Variants in SYDE1 observed in about 807,000 individuals in gnomAD.
SYDE1 encodes the protein rho GTPase-activating protein SYDE1.
Under a neutral mutation model 63.3 loss-of-function variants are expected in SYDE1, and 34 were observed. The observed-to-expected ratio is 0.54, with a 90% CI of 0.41 to 0.71. The LOEUF is 0.71. Ranked by LOEUF, SYDE1 falls within the 30% of genes least tolerant of loss-of-function variation. The pLI, the probability that SYDE1 is intolerant of heterozygous loss-of-function variation, is 0.00. For synonymous variants in SYDE1, 467 were observed against 473.4 expected (o/e 0.99, Z 0.18); for missense variants, 925 against 1,042.5 (o/e 0.89, Z 1.55).
At position 15,109,703 on chromosome 19, in the gene SYDE1, G is replaced by T; in HGVS notation, c.431-1G>T. The stretch of plus-strand genomic sequence containing the variant: ...GACCCTGAAGTCTGCTCTCCACACA[G>T]GTGCAGCCCCCGCCAGCCCCCCAAC... On this transcript the variant is annotated splice_acceptor_variant, in intron 2 of 7. Transcript: ENST00000342784. LOFTEE classifies it high-confidence loss of function. The surrounding 1 kb of genome is among the most constrained non-coding windows in gnomAD (Gnocchi z 5.0). 1 of 1,494,360 alleles carries T rather than the reference G, an allele frequency of 6.7e-7. No homozygotes were observed. 92.6% of individuals were successfully genotyped at this position (1,494,360 alleles called of 1,614,324 possible).
At position 15,111,842 on chromosome 19, in the gene SYDE1, A is replaced by G; in HGVS notation, c.1578+50A>G. ...TGGGACTTGAGAGTGGGCTGATACC[A>G]ATAGAATGTTTCACCCATGCCTGGG... On this transcript the variant is annotated intron_variant, in intron 6 of 7. Coordinates refer to ENST00000342784, the MANE Select transcript of SYDE1 (RefSeq NM_033025.6). The surrounding 1 kb of genome is among the most constrained non-coding windows in gnomAD (Gnocchi z 5.5). 6.7e-7 allele frequency: 1 copy of G among 1,501,208 alleles called. No homozygotes were observed. Among genetic ancestry groups the G allele is most frequent in the South Asian group, 1.3e-5 (1 of 74,286 alleles). 93.0% of individuals were successfully genotyped at this position (1,501,208 alleles called of 1,614,324 possible). A position where few individuals can be genotyped will look rare whatever the true frequency, so the allele number is the denominator to read the frequency against.
Position 15,109,294 on chromosome 19 carries a change from G to A in SYDE1, c.327G>A (p.Glu109=). The stretch of plus-strand genomic sequence containing the variant: ...CTGGCACTGGGGAGCCCGCCGGCGA[G>A]ATCTGGTACAACCCCATCCCTGAGG... ...GVPGTGEPAG[E]IWYNPIPEED... The change falls in exon 2 of 8, where the codon GAG becomes GAA. Residue 109 remains glutamate, a synonymous_variant. Coordinates refer to ENST00000342784, the MANE Select transcript of SYDE1 (RefSeq NM_033025.6). This position sits in a 1 kb window ranked among gnomAD's most constrained non-coding sequence, Gnocchi z 5.0. 1.2e-6 allele frequency: 2 copies of A among 1,613,680 alleles called. No individual in the cohort carries two copies. The highest frequency in any genetic ancestry group is 2.2e-5 in the East Asian group (1 of 44,870).
Position 15,113,645 on chromosome 19 carries a change from C to T in SYDE1, c.1890C>T (p.Asp630=), listed in dbSNP as rs1403603455. The change falls in exon 8 of 8, where the codon GAC becomes GAT. Residue 630 remains aspartate (D), a synonymous_variant. Coordinates refer to ENST00000342784, the MANE Select transcript of SYDE1 (RefSeq NM_033025.6). ...RQPPLHLPLA[D]PEVVTRPRGR... ...CACCTCTGCACCTGCCGCTGGCAGACCCCGAAGTGGTGACTCGGCCCCGCG... is the reference window on the plus strand; with the variant it reads ...CACCTCTGCACCTGCCGCTGGCAGATCCCGAAGTGGTGACTCGGCCCCGCG... 6.2e-7 allele frequency: 1 copy of T among 1,612,716 alleles called. No individual in the cohort carries two copies. Among genetic ancestry groups the T allele is most frequent in the South Asian group, 1.1e-5 (1 of 90,966 alleles).
chr19:15,109,916 C>A lies in SYDE1; in HGVS notation c.643C>A (p.Pro215Thr), dbSNP rs1343304480. The change falls in exon 3 of 8, where the codon CCG becomes ACG. Residue 215 changes from proline to threonine, a missense_variant. Physicochemically the swap from Pro to Thr is conservative, Grantham distance 38. This residue lies in a region of SYDE1 where 599 missense variants were observed against 653.7 expected (regional missense o/e 0.92). Transcript: ENST00000342784. This position sits in a 1 kb window ranked among gnomAD's most constrained non-coding sequence, Gnocchi z 5.0. ...GGACAGCAGCGTGGGGGGCCCCGGG[C>A]CGGCAGCAGGGCCTGGGGGCACCCG... ...HLDSSVGGPG[P>T]AAGPGGTRSP... 1.4e-6 allele frequency: 2 copies of A among 1,461,882 alleles called. No individual in the cohort carries two copies. The highest frequency in any genetic ancestry group is 1.8e-6 in the Non-Finnish European group (2 of 1,113,310). 90.6% of individuals were successfully genotyped at this position (1,461,882 alleles called of 1,614,324 possible). A position where few individuals can be genotyped will look rare whatever the true frequency, so the allele number is the denominator to read the frequency against.
rs760787783 is a variant in SYDE1, at chr19:15,109,283, C to A, written c.316C>A (p.Pro106Thr). The A allele has an allele frequency of 2.9e-5, 46 of 1,612,532 alleles. No homozygotes were observed. The South Asian group carries it at 4.2e-4, about 15-fold the overall frequency. The change falls in exon 2 of 8, where the codon CCC (proline) becomes ACC (threonine). Residue 106 changes from proline to threonine, a missense_variant. Physicochemically the swap from Pro to Thr is conservative, Grantham distance 38. This residue lies in a region of SYDE1 where 599 missense variants were observed against 653.7 expected (regional missense o/e 0.92). Coordinates refer to ENST00000342784, the MANE Select transcript of SYDE1 (RefSeq NM_033025.6). The surrounding 1 kb of genome is among the most constrained non-coding windows in gnomAD (Gnocchi z 5.0). Reference sequence around the variant, plus strand: ...GCCTGGGGTACCTGGCACTGGGGAGCCCGCCGGCGAGATCTGGTACAACCC... The same window carrying A: ...GCCTGGGGTACCTGGCACTGGGGAGACCGCCGGCGAGATCTGGTACAACCC... ...LGPGVPGTGE[P>T]AGEIWYNPIP...
rs1432924489 is a variant in SYDE1 at position 15,113,937 on chromosome 19, T to C, written c.2182T>C (p.Ser728Pro). ...CATCCTGGATCTGGAGAGAGAGCTC[T>C]CCAAGCAAATCAACGTGTGCCTCTG... The part of the protein sequence containing the change: ...ALILDLEREL[S>P]KQINVCL Residue 728 changes from serine (S) to proline (P), a missense_variant, in exon 8 of 8, where the codon TCC becomes CCC. This residue lies in a region of SYDE1 where 255 missense variants were observed against 255.9 expected (regional missense o/e 1.00). Transcript: ENST00000342784. 1.2e-6 allele frequency: 2 copies of C among 1,612,926 alleles called. No homozygotes were observed. Among genetic ancestry groups the C allele is most frequent in the African/African-American group, 1.3e-5 (1 of 74,924 alleles).
chr19:15,108,331 G>C lies in SYDE1; in HGVS notation c.89-725G>C, dbSNP rs2046319884. 6.6e-6 allele frequency among the ~76,000 whole-genome samples: 1 copy of C among 152,166 alleles called. No individual in the cohort carries two copies. Among genetic ancestry groups the C allele is most frequent in the African/African-American group, 2.4e-5 (1 of 41,452 alleles). On this transcript the variant is annotated intron_variant, in intron 1 of 7. Coordinates refer to ENST00000342784, the MANE Select transcript of SYDE1 (RefSeq NM_033025.6). This position sits in a 1 kb window ranked among gnomAD's most constrained non-coding sequence, Gnocchi z 4.3. ...AGATTCCCAATGTTCCCAGGGAAGG[G>C]AGAAGGGACAGAGATGCCCAAACAC...
In SYDE1 at chr19:15,109,817, C is replaced by A; in HGVS notation, c.544C>A (p.Leu182Met). Residue 182 changes from leucine to methionine, a missense_variant, in exon 3 of 8, where the codon CTG (leucine) becomes ATG (methionine). This residue lies in a region of SYDE1 where 599 missense variants were observed against 653.7 expected (regional missense o/e 0.92). Coordinates refer to ENST00000342784, the MANE Select transcript of SYDE1 (RefSeq NM_033025.6). The surrounding 1 kb of genome is among the most constrained non-coding windows in gnomAD (Gnocchi z 5.0). ...GCCGGAACTGCGGCGCCGCCTGAGC[C>A]TGCGAGGCCCCCGGGCTGGCAGGGA... ...KLPELRRRLSLRGPRAGRERE... is the reference protein window; with the variant it reads ...KLPELRRRLSMRGPRAGRERE... 3.9e-6 allele frequency: 6 copies of A among 1,534,816 alleles called. No homozygotes were observed. The highest frequency in any genetic ancestry group is 4.4e-6 in the Non-Finnish European group (5 of 1,145,396).
In SYDE1 at chr19:15,109,906, G is replaced by A. The variant is rs923203532; in HGVS notation, c.633G>A (p.Gly211=). 1 of 1,467,860 alleles carries A rather than the reference G, an allele frequency of 6.8e-7. No individual in the cohort carries two copies. The highest frequency in any genetic ancestry group is 1.5e-5 in the African/African-American group (1 of 68,100). The allele number at this position is 1,467,860 out of a possible 1,614,324, so 90.9% of individuals were successfully genotyped here. A position where few individuals can be genotyped will look rare whatever the true frequency, so the allele number is the denominator to read the frequency against. The change falls in exon 3 of 8, where the codon GGG becomes GGA. Residue 211 remains glycine (G), a synonymous_variant. Coordinates refer to ENST00000342784, the MANE Select transcript of SYDE1 (RefSeq NM_033025.6). This position sits in a 1 kb window ranked among gnomAD's most constrained non-coding sequence, Gnocchi z 5.0. ...ISRYHLDSSV[G]GPGPAAGPGG... ...GCTACCACCTGGACAGCAGCGTGGGGGGCCCCGGGCCGGCAGCAGGGCCTG... is the reference window on the plus strand; with the variant it reads ...GCTACCACCTGGACAGCAGCGTGGGAGGCCCCGGGCCGGCAGCAGGGCCTG...
At position 15,109,217 on chromosome 19, in the gene SYDE1, G is replaced by A; in HGVS notation, c.250G>A (p.Val84Met). 6.3e-7 allele frequency: 1 copy of A among 1,577,414 alleles called. No individual in the cohort carries two copies. Among genetic ancestry groups the A allele is most frequent in the South Asian group, 1.2e-5 (1 of 86,642 alleles). Residue 84 changes from valine (V) to methionine (M), a missense_variant, in exon 2 of 8, where the codon GTG (valine) becomes ATG (methionine). Transcript: ENST00000342784. This position sits in a 1 kb window ranked among gnomAD's most constrained non-coding sequence, Gnocchi z 5.0. ...QSLEPSSRRW[V>M]LGGAKPAEDT... ...CCTGGAGCCCAGTAGCCGCCGATGG[G>A]TGCTGGGTGGGGCCAAGCCAGCTGA...
At position 15,114,276 on chromosome 19, in the gene SYDE1, C is replaced by T. The variant is rs2046368053; in HGVS notation, c.*313C>T. 1 of 358,408 alleles carries T rather than the reference C, an allele frequency of 2.8e-6. No individual in the cohort carries two copies. The highest frequency in any genetic ancestry group is 2.1e-5 in the African/African-American group (1 of 47,554). The allele number at this position is 358,408 out of a possible 1,614,324, so 22.2% of individuals were successfully genotyped here. ...GTTCTCGCGCTTGCTAGGCTGGCCT[C>T]TCTTGCCTCCCCTTGGCCGGGGCAA... On this transcript the variant is annotated 3_prime_UTR_variant, in exon 8 of 8. Transcript: ENST00000342784.
chr19:15,113,492 A>C, intron 7 of SYDE1, 68 bp from the exon 8 acceptor site: 1 of 1,486,780 alleles, frequency 6.7e-7, no homozygotes, highest in Non-Finnish European at 8.9e-7. Context: ...TCAGGAGCCT[A>C]GTTCCCTAAG....
In SYDE1 at chr19:15,113,758, A is replaced by T; in HGVS notation, c.2003A>T (p.Asp668Val). The change falls in exon 8 of 8, where the codon GAT (aspartate) becomes GTT (valine). Residue 668 changes from aspartate (D) to valine (V), a missense_variant. Around this residue, in one of 3 missense-constraint regions of SYDE1, gnomAD observed 255 missense variants for 255.9 expected, o/e 1.00. Transcript: ENST00000342784. ...CGRDFLPCGRDFLSGPDYDHV... is the reference protein window; with the variant it reads ...CGRDFLPCGRVFLSGPDYDHV... ...CGGGACTTCCTGCCCTGTGGGCGGG[A>T]TTTCCTGTCCGGGCCAGACTACGAC... 1 of 1,613,954 alleles carries T rather than the reference A, an allele frequency of 6.2e-7. No homozygotes were observed. The highest frequency in any genetic ancestry group is 8.5e-7 in the Non-Finnish European group (1 of 1,179,982).
Position 15,111,196 on chromosome 19 carries a change from C to T in SYDE1, c.1291-117C>T, listed in dbSNP as rs1284629562. 11 of 1,195,682 alleles carry T rather than the reference C, an allele frequency of 9.2e-6. No homozygotes were observed. The highest frequency in any genetic ancestry group is 1.2e-5 in the Non-Finnish European group (10 of 834,484). 74.1% of individuals were successfully genotyped at this position (1,195,682 alleles called of 1,614,324 possible). A position where few individuals can be genotyped will look rare whatever the true frequency, so the allele number is the denominator to read the frequency against. On this transcript the variant is annotated intron_variant, in intron 4 of 7. Transcript: ENST00000342784. The surrounding 1 kb of genome is among the most constrained non-coding windows in gnomAD (Gnocchi z 5.5). ...GCCAGGTTGTCAAGGTAGTTCCAACCTCCCAGCCCACAATGCCCATTGCTG... is the reference window on the plus strand; with the variant it reads ...GCCAGGTTGTCAAGGTAGTTCCAACTTCCCAGCCCACAATGCCCATTGCTG...
At position 15,108,939 on chromosome 19, in the gene SYDE1, A is replaced by G. The variant is rs958494676; in HGVS notation, c.89-117A>G. ...AAACAGCAGGATCCAAGGAACCATG[A>G]CTTATCAGGGGCCGGCCAGGGCCGT... On this transcript the variant is annotated intron_variant, in intron 1 of 7. Coordinates refer to ENST00000342784, the MANE Select transcript of SYDE1 (RefSeq NM_033025.6). This position sits in a 1 kb window ranked among gnomAD's most constrained non-coding sequence, Gnocchi z 4.3. 1 of 1,399,956 alleles carries G rather than the reference A, an allele frequency of 7.1e-7. No homozygotes were observed. Among genetic ancestry groups the G allele is most frequent in the Non-Finnish European group, 9.3e-7 (1 of 1,077,998 alleles). 86.7% of individuals were successfully genotyped at this position (1,399,956 alleles called of 1,614,324 possible). A position where few individuals can be genotyped will look rare whatever the true frequency, so the allele number is the denominator to read the frequency against.
chr19:15,109,960 C>T lies in SYDE1; in HGVS notation c.687C>T (p.Tyr229=). 6.8e-7 allele frequency: 1 copy of T among 1,475,284 alleles called. No individual in the cohort carries two copies. The highest frequency in any genetic ancestry group is 8.9e-7 in the Non-Finnish European group (1 of 1,121,136). The allele number at this position is 1,475,284 out of a possible 1,614,324, so 91.4% of individuals were successfully genotyped here. A position where few individuals can be genotyped will look rare whatever the true frequency, so the allele number is the denominator to read the frequency against. ...PGGTRSPRAG[Y]LSDGDSPERP... ...GCACCCGGAGCCCGAGGGCCGGTTA[C>T]CTCAGCGACGGGGACTCACCGGAGC... Residue 229 remains tyrosine, a synonymous_variant, in exon 3 of 8, where the codon TAC becomes TAT. Transcript: ENST00000342784. This position sits in a 1 kb window ranked among gnomAD's most constrained non-coding sequence, Gnocchi z 5.0.
At position 15,114,622 on chromosome 19, in the gene SYDE1, C is replaced by G. The variant is rs1033805589; in HGVS notation, c.*659C>G. 4.7e-5 allele frequency: 4 copies of G among 85,874 alleles called. No individual in the cohort carries two copies. Among genetic ancestry groups the G allele is most frequent in the Admixed American group, 1.3e-4 (1 of 7,414 alleles). The allele number at this position is 85,874 out of a possible 1,614,324, so 5.3% of individuals were successfully genotyped here. ...TTCCAATCCCCATCTCCTTGCCCCCCCCTTGCCCCCCCCCCCGAAAAAAAT... is the reference window on the plus strand; with the variant it reads ...TTCCAATCCCCATCTCCTTGCCCCCGCCTTGCCCCCCCCCCCGAAAAAAAT... On this transcript the variant is annotated 3_prime_UTR_variant, in exon 8 of 8. Coordinates refer to ENST00000342784, the MANE Select transcript of SYDE1 (RefSeq NM_033025.6).
In SYDE1 at chr19:15,109,662, T is replaced by A; in HGVS notation, c.431-42T>A. ...GAGCACCAGCCTCACCCCCCTCCCC[T>A]AAGCCCAGGTTCCTGGACCCTGAAG... On this transcript the variant is annotated intron_variant, in intron 2 of 7. Transcript: ENST00000342784. The surrounding 1 kb of genome is among the most constrained non-coding windows in gnomAD (Gnocchi z 5.0). 1 of 1,304,172 alleles carries A rather than the reference T, an allele frequency of 7.7e-7. No individual in the cohort carries two copies. Among genetic ancestry groups the A allele is most frequent in the Non-Finnish European group, 1.0e-6 (1 of 976,924 alleles). The allele number at this position is 1,304,172 out of a possible 1,614,324, so 80.8% of individuals were successfully genotyped here. A position where few individuals can be genotyped will look rare whatever the true frequency, so the allele number is the denominator to read the frequency against.
chr19:15,113,459 G>T, intron 7 of SYDE1, 101 bp from the exon 8 acceptor site: 1 of 1,394,842 alleles, frequency 7.2e-7, no homozygotes, highest in South Asian at 1.4e-5. Context: ...TGAAAGGGTC[G>T]AAGGCCGCTT....
Sources: gnomAD v4.1 joint callset for allele counts (sites outside exome capture counted in the v4.1 genomes callset) on GRCh38, gnomAD v4.1.1 for gene constraint, gnomAD v4.1.1 regional missense constraint, Gnocchi (gnomAD v3.1) non-coding constraint, MANE v1.5 for transcripts, NCBI Gene and HGNC (gene_info 2026-07-23, HGNC 2026-07-21) for gene names.